Variants in PTPRD observed in about 807,000 individuals in gnomAD.
PTPRD encodes the protein protein tyrosine phosphatase receptor type D, also known as receptor-type tyrosine-protein phosphatase delta.
PTPRD carries 34 observed loss-of-function variants against 214.5 expected under a neutral mutation model. That is an observed-to-expected ratio of 0.16 (90% CI 0.12 to 0.21). The LOEUF is 0.21. Ranked by LOEUF, PTPRD falls within the 10% of genes least tolerant of loss-of-function variation. The pLI is 1.00. For missense variants in PTPRD, 2,545 were observed against 2,398.7 expected, an observed-to-expected ratio of 1.06 and a Z score of -1.27; for synonymous variants, 1,128 against 845.7, an observed-to-expected ratio of 1.33 and a Z score of -5.79.
intron 11 of PTPRD, among the ~76,000 whole-genome samples, chr9:8,853,454 C>T (rs1237802176): frequency 6.6e-6 from 1 of 152,114 alleles, no homozygotes; most frequent in African/African-American, 2.4e-5. Context: ...TTTGTGGAAA[C>T]AGATGTAAGC....
chr9:10,533,475 T>G (rs1159424388), intron 2 of PTPRD, among the ~76,000 whole-genome samples: 1 of 152,136 alleles, frequency 6.6e-6, no homozygotes, highest in Non-Finnish European at 1.5e-5. Flanking sequence ...CACTCAGCTG[T>G]CTCGCTGAGT....
At chr9:8,818,242 G>A (rs186957699) in intron 11 of PTPRD, among the ~76,000 whole-genome samples, 1 of 152,176 alleles carries the variant, frequency 6.6e-6, no homozygotes, top group East Asian at 1.9e-4. Context: ...CTAATTAAAT[G>A]ATAGCATTTT....
At chr9:9,821,925 T>C (rs2050884759) in intron 5 of PTPRD, among the ~76,000 whole-genome samples, 1 of 148,844 alleles carries the variant, frequency 6.7e-6, no homozygotes, top group African/African-American at 2.4e-5. Context: ...ACATATATAT[T>C]TATAATATTT....
At chr9:9,270,202 A>G (rs1013192196) in intron 9 of PTPRD, among the ~76,000 whole-genome samples, 2 of 151,278 alleles carry the variant, frequency 1.3e-5, no homozygotes, top group African/African-American at 4.8e-5. Flanking sequence ...ATTAAATATG[A>G]ACAATTATTA....
intron 9 of PTPRD, among the ~76,000 whole-genome samples, chr9:9,281,175 A>G (rs1276424139): frequency 2.0e-5 from 3 of 151,264 alleles, no homozygotes; most frequent in South Asian, 2.1e-4. Context: ...AACATAGGAG[A>G]AAATCTGAAT....
chr9:8,838,563 T>A (rs1306432760), intron 11 of PTPRD, among the ~76,000 whole-genome samples: 1 of 151,682 alleles, frequency 6.6e-6, no homozygotes. Flanking sequence ...AACTGAAAAA[T>A]AAAAGAGAGA....
chr9:8,906,843 G>A (rs12377539), intron 11 of PTPRD, among the ~76,000 whole-genome samples: 2 of 152,132 alleles, frequency 1.3e-5, no homozygotes, highest in Admixed American at 1.3e-4. Context: ...CACCATGGAA[G>A]GTCTTGCTAA....
intron 2 of PTPRD, among the ~76,000 whole-genome samples, chr9:10,582,028 G>C (rs1295155276): frequency 1.3e-5 from 2 of 152,152 alleles, no homozygotes; most frequent in African/African-American, 2.4e-5. Context: ...GGGATAATAA[G>C]ATATCCTTTT....
intron 44 of PTPRD, among the ~76,000 whole-genome samples, chr9:8,330,625 C>CAA (rs777334203): frequency 1.3e-5 from 2 of 152,040 alleles, no homozygotes; most frequent in Non-Finnish European, 2.9e-5. Flanking sequence ...GCCTGAGAAA[C>CAA]AAAGGATGCT....
At chr9:9,212,143 T>C (rs2132885940) in intron 9 of PTPRD, among the ~76,000 whole-genome samples, 1 of 152,324 alleles carries the variant, frequency 6.6e-6, no homozygotes, top group Admixed American at 6.5e-5. Context: ...ATAAAGATGT[T>C]TGTATTTTAT....
chr9:10,363,991 G>GTTTTTGTTTTTTTT lies in PTPRD; in HGVS notation c.-599-22975_-599-22974insAAAAAAAACAAAAA, dbSNP rs1555222212. On this transcript the variant is annotated intron_variant, in intron 2 of 45. Transcript: ENST00000381196. ...ATTATTATTGCCTCCACATTTTCGG[G>GTTTTTGTTTTTTTT]TTTTTTTTTTTTTTTTTTTTTTTTT... 3.0e-3 allele frequency among the ~76,000 whole-genome samples: 106 copies of GTTTTTGTTTTTTTT among 35,116 alleles called. 10 individuals are homozygous for GTTTTTGTTTTTTTT. The highest frequency in any genetic ancestry group is 3.5e-3 in the Non-Finnish European group (64 of 18,082). 23.0% of individuals were successfully genotyped at this position (35,116 alleles called of 152,430 possible). A position where few individuals can be genotyped will look rare whatever the true frequency, so the allele number is the denominator to read the frequency against.
At chr9:9,377,323 C>T (rs1658286036) in intron 9 of PTPRD, among the ~76,000 whole-genome samples, 1 of 152,006 alleles carries the variant, frequency 6.6e-6, no homozygotes, top group South Asian at 2.1e-4. Context: ...GCTAATTCTT[C>T]CTGGTATAGA....
At chr9:9,452,758 T>C (rs2092422816) in intron 8 of PTPRD, among the ~76,000 whole-genome samples, 2 of 151,234 alleles carry the variant, frequency 1.3e-5, no homozygotes, top group African/African-American at 4.8e-5. Flanking sequence ...AGTTCACATA[T>C]CCCTAAAGGA....
intron 8 of PTPRD, among the ~76,000 whole-genome samples, chr9:9,480,393 A>G (rs2095355610): frequency 6.6e-6 from 1 of 152,192 alleles, no homozygotes; most frequent in Admixed American, 6.5e-5. Context: ...TATTTGAAAT[A>G]TAAGTTCCTT....
chr9:8,421,436 C>G (rs747680887), intron 35 of PTPRD, among the ~76,000 whole-genome samples: 1 of 151,050 alleles, frequency 6.6e-6, no homozygotes, highest in Non-Finnish European at 1.5e-5. Flanking sequence ...GAAAATTTTA[C>G]CATGCTAGTC....
At chr9:9,144,524 C>T (rs1038399002) in intron 10 of PTPRD, among the ~76,000 whole-genome samples, 10 of 152,122 alleles carry the variant, frequency 6.6e-5, no homozygotes, top group African/African-American at 1.9e-4. Context: ...GAGGCTGAGG[C>T]GGGTGGATCA....
At chr9:9,645,480 T>TA (rs1476564795) in intron 7 of PTPRD, among the ~76,000 whole-genome samples, 3,513 of 147,604 alleles carry the variant, frequency 0.024, 52 homozygotes, top group Middle Eastern at 0.043. Flanking sequence ...TATATATATA[T>TA]TTTCTATTTG....
At position 8,317,822 on chromosome 9, in the gene PTPRD, T is replaced by C. The variant is rs960487289; in HGVS notation, c.*52A>G. 6.5e-7 allele frequency: 1 copy of C among 1,541,810 alleles called. No individual in the cohort carries two copies. Among genetic ancestry groups the C allele is most frequent in the Admixed American group, 1.7e-5 (1 of 59,668 alleles). ...GTGCCCTGTATGGCTCAGAAGAGACTCCATGGATATTGAAGGGCCTGTAGT... is the reference window on the plus strand; with the variant it reads ...GTGCCCTGTATGGCTCAGAAGAGACCCCATGGATATTGAAGGGCCTGTAGT... On this transcript the variant is annotated 3_prime_UTR_variant, in exon 46 of 46. Transcript: ENST00000381196.
At chr9:9,791,526 C>T (rs960536687) in intron 5 of PTPRD, among the ~76,000 whole-genome samples, 3 of 152,168 alleles carry the variant, frequency 2.0e-5, no homozygotes, top group Non-Finnish European at 4.4e-5. Context: ...GGTTCTATCA[C>T]CCCTGATGAT....
Sources: gnomAD v4.1 joint callset for allele counts (sites outside exome capture counted in the v4.1 genomes callset) on GRCh38, gnomAD v4.1.1 for gene constraint, MANE v1.5 for transcripts, NCBI Gene and HGNC (gene_info 2026-07-23, HGNC 2026-07-21) for gene names.